GPC6: variants seen among roughly 807,000 people sequenced by gnomAD.
The protein encoded by GPC6 is glypican-6.
A neutral mutation model predicts 55.2 loss-of-function variants in GPC6; 14 were observed. That is an observed-to-expected ratio of 0.25 (90% confidence interval 0.17 to 0.40). The LOEUF is 0.40. GPC6 is among the 10% of genes least tolerant of loss of function. The pLI is 1.00. For missense variants in GPC6, 641 were observed against 708.5 expected (o/e 0.90, Z 1.08); for synonymous variants, 278 against 259.6 (o/e 1.07, Z -0.68).
chr13:93,526,261 A>G (rs1031305540), intron 1 of GPC6, among the ~76,000 whole-genome samples: 1 of 152,052 alleles, frequency 6.6e-6, no homozygotes, highest in Non-Finnish European at 1.5e-5. Context: ...ACTATAATAG[A>G]TGCACAGACC....
chr13:93,286,463 G>C (rs1878130153), intron 1 of GPC6, among the ~76,000 whole-genome samples: 1 of 152,150 alleles, frequency 6.6e-6, no homozygotes, highest in African/African-American at 2.4e-5. Context: ...AGAGGATATG[G>C]GGAGCTGGAG....
At chr13:93,640,778 TCCCTC>T (rs1879892780) in intron 2 of GPC6, among the ~76,000 whole-genome samples, 1 of 74,768 alleles carries the variant, frequency 1.3e-5, no homozygotes, top group African/African-American at 6.3e-5. Flanking sequence ...CCACTTTCCT[TCCCTC>T]CCTCCCTTCC....
At chr13:93,706,073 G>C (rs1279297026) in intron 2 of GPC6, among the ~76,000 whole-genome samples, 1 of 151,800 alleles carries the variant, frequency 6.6e-6, no homozygotes, top group African/African-American at 2.4e-5. Context: ...AAGTTTGCCA[G>C]TAGACAGTAA....
rs185899473 is a variant in GPC6 at position 93,539,019 on chromosome 13, G to A, written c.161-6244G>A. 5.0e-3 allele frequency among the ~76,000 whole-genome samples: 753 copies of A among 151,740 alleles called. 2 individuals carry two copies. Among genetic ancestry groups the A allele is most frequent in the African/African-American group, 0.017 (695 of 41,392 alleles). On this transcript the variant is annotated intron_variant, in intron 1 of 8. Coordinates refer to ENST00000377047, the MANE Select transcript of GPC6 (RefSeq NM_005708.5). ...ATGTATACATGTGCCATGCTGGTGC[G>A]CTGCACCCACCAACGTGTCATCCAG...
chr13:93,971,035 C>T (rs188713922), intron 3 of GPC6, among the ~76,000 whole-genome samples: 12 of 152,262 alleles, frequency 7.9e-5, no homozygotes, highest in African/African-American at 2.9e-4. Flanking sequence ...TCTCATAAGG[C>T]AACTTCTTTG....
intron 3 of GPC6, among the ~76,000 whole-genome samples, chr13:93,962,597 G>A (rs1240846085): frequency 6.6e-6 from 1 of 151,948 alleles, no homozygotes; most frequent in Non-Finnish European, 1.5e-5. Flanking sequence ...ACTTATATAG[G>A]TGTTAGTTAT....
chr13:94,010,805 C>A (rs1178170163), intron 3 of GPC6, among the ~76,000 whole-genome samples: 1 of 151,980 alleles, frequency 6.6e-6, no homozygotes, highest in Non-Finnish European at 1.5e-5. Flanking sequence ...TTATAGAATT[C>A]TTTTTAAATG....
chr13:93,453,248 C>A lies in GPC6; in HGVS notation c.161-92015C>A, dbSNP rs1200153993. ...GCTTTCTCTAATTCTAAAATCCTTC[C>A]TCTTCCCCCACTTTCATTCAATATG... On this transcript the variant is annotated intron_variant, in intron 1 of 8. Coordinates refer to ENST00000377047, the MANE Select transcript of GPC6 (RefSeq NM_005708.5). 3.3e-5 allele frequency among the ~76,000 whole-genome samples: 5 copies of A among 152,298 alleles called. No individual in the cohort carries two copies. The East Asian group carries it at 9.7e-4, about 29-fold the overall frequency.
At chr13:94,358,309 GA>G (rs1300783499) in intron 6 of GPC6, among the ~76,000 whole-genome samples, 6 of 150,598 alleles carry the variant, frequency 4.0e-5, no homozygotes, top group Non-Finnish European at 5.9e-5. Flanking sequence ...AAAGAAAAAG[GA>G]AAAAAAGAAA....
chr13:93,788,419 A>T (rs1168289886), intron 2 of GPC6, among the ~76,000 whole-genome samples: 1 of 151,866 alleles, frequency 6.6e-6, no homozygotes, highest in African/African-American at 2.4e-5. Flanking sequence ...GCAATACCTG[A>T]ATTCTGGAGG....
chr13:94,373,211 G>A (rs1475193094), intron 6 of GPC6, among the ~76,000 whole-genome samples: 3 of 152,252 alleles, frequency 2.0e-5, no homozygotes, highest in African/African-American at 7.2e-5. Context: ...AAAGCTGGAT[G>A]GAGAATGACT....
chr13:93,618,171 C>T (rs920668219), intron 2 of GPC6, among the ~76,000 whole-genome samples: 1 of 151,882 alleles, frequency 6.6e-6, no homozygotes, highest in African/African-American at 2.4e-5. Context: ...ATTTTCTTCA[C>T]CAATATTTAT....
At chr13:93,532,875 T>TC (rs1217300775) in intron 1 of GPC6, among the ~76,000 whole-genome samples, 1 of 152,072 alleles carries the variant, frequency 6.6e-6, no homozygotes, top group Non-Finnish European at 1.5e-5. Context: ...GGAGCTATTT[T>TC]TTGCAGAGTG....
intron 2 of GPC6, among the ~76,000 whole-genome samples, chr13:93,661,396 T>C (rs1880914514): frequency 6.6e-6 from 1 of 152,068 alleles, no homozygotes; most frequent in African/African-American, 2.4e-5. Context: ...GTATTTTTAG[T>C]ACAGACAGGT....
chr13:93,941,400 A>G (rs1034077122), intron 3 of GPC6, among the ~76,000 whole-genome samples: 1 of 152,178 alleles, frequency 6.6e-6, no homozygotes, highest in Non-Finnish European at 1.5e-5. Flanking sequence ...AAATTCACTG[A>G]TATTTCAGAT....
chr13:94,180,653 A>G lies in GPC6; in HGVS notation c.878-105696A>G, dbSNP rs529064195. ...AATCAATGTTTATTTGTCCTTAGCA[A>G]TTTTCTTTATTTTCTACTGGGCATA... On this transcript the variant is annotated intron_variant, in intron 4 of 8. Transcript: ENST00000377047. 3.3e-3 allele frequency among the ~76,000 whole-genome samples: 496 copies of G among 152,140 alleles called. 1 individual carries two copies. The highest frequency in any genetic ancestry group is 6.8e-3 in the Middle Eastern group (2 of 294).
intron 1 of GPC6, among the ~76,000 whole-genome samples, chr13:93,406,643 A>G (rs1267844150): frequency 6.6e-6 from 1 of 152,146 alleles, no homozygotes; most frequent in Non-Finnish European, 1.5e-5. Flanking sequence ...AAGAATTACC[A>G]ATTTGTATAC....
At chr13:93,850,068 A>T (rs1888341916) in intron 3 of GPC6, among the ~76,000 whole-genome samples, 2 of 152,104 alleles carry the variant, frequency 1.3e-5, no homozygotes, top group Middle Eastern at 3.2e-3. Context: ...TGAATGAGCG[A>T]TTAAAAGGAA....
intron 4 of GPC6, among the ~76,000 whole-genome samples, chr13:94,229,132 C>G (rs1890644057): frequency 6.6e-6 from 1 of 152,196 alleles, no homozygotes; most frequent in Non-Finnish European, 1.5e-5. Context: ...GAATTATGCT[C>G]ATGAAATGAT....
Sources: allele counts gnomAD v4.1 joint callset (sites outside exome capture counted in the v4.1 genomes callset), GRCh38; gene constraint gnomAD v4.1.1; transcripts MANE v1.5; gene names NCBI Gene and HGNC (gene_info 2026-07-23, HGNC 2026-07-21).